SYT14: variants seen among roughly 807,000 people sequenced by gnomAD.
SYT14 encodes the protein synaptotagmin-14.
Under a neutral mutation model 74.2 loss-of-function variants are expected in SYT14, and 32 were observed. That is an observed-to-expected ratio of 0.43 (90% CI 0.33 to 0.58). SYT14 has a LOEUF of 0.58. Among genes scored for constraint, SYT14 ranks in the 20% least tolerant of loss-of-function variants. The pLI, the probability that SYT14 is intolerant of heterozygous loss-of-function variation, is 0.05. For missense variants in SYT14, 791 were observed against 981.8 expected, an observed-to-expected ratio of 0.81 and a Z score of 2.60; for synonymous variants, 298 against 337.7, an observed-to-expected ratio of 0.88 and a Z score of 1.29.
intron 2 of SYT14, among the ~76,000 whole-genome samples, chr1:209,965,574 C>T (rs976256973): frequency 6.6e-5 from 10 of 152,120 alleles, no homozygotes; most frequent in African/African-American, 1.4e-4. Flanking sequence ...GGCATATACC[C>T]GGTAATGAGA....
At chr1:210,011,043 A>G (rs2102912401) in intron 2 of SYT14, among the ~76,000 whole-genome samples, 1 of 152,326 alleles carries the variant, frequency 6.6e-6, no homozygotes, top group Non-Finnish European at 1.5e-5. Context: ...TCTTTCATTT[A>G]GTTTTCCAAG....
chr1:210,161,371 A>G (rs2083370144), exon 10 of SYT14: 1 of 470,250 alleles, frequency 2.1e-6, no homozygotes, highest in African/African-American at 2.0e-5. Flanking sequence ...AATCAAAATT[A>G]TAAGTGATTT....
intron 2 of SYT14, among the ~76,000 whole-genome samples, chr1:209,970,546 G>T (rs1479059270): frequency 6.6e-6 from 1 of 151,586 alleles, no homozygotes; most frequent in African/African-American, 2.4e-5. Flanking sequence ...CACTATTTGG[G>T]CTCTTTTTTG....
chr1:210,098,881 G>C (rs545622853), intron 6 of SYT14, among the ~76,000 whole-genome samples: 1 of 152,062 alleles, frequency 6.6e-6, no homozygotes, highest in African/African-American at 2.4e-5. Flanking sequence ...GGCCATGTTA[G>C]TAGAGATTCA....
At chr1:210,100,483 CT>C (rs1300719971) in intron 7 of SYT14, 22 bp downstream of exon 6, 3 of 1,602,510 alleles carry the variant, frequency 1.9e-6, no homozygotes, top group Non-Finnish European at 2.6e-6. Flanking sequence ...ATCAAATGGC[CT>C]GAATACAGTT....
intron 6 of SYT14, among the ~76,000 whole-genome samples, chr1:210,098,042 G>A (rs527547679): frequency 9.2e-5 from 14 of 152,156 alleles, no homozygotes; most frequent in East Asian, 7.7e-4. Flanking sequence ...AGGTGTGGTC[G>A]TGTATGCCTG....
At chr1:210,168,073 TGG>T in exon 10 of SYT14, 2 of 153,836 alleles carry the variant, frequency 1.3e-5, no homozygotes, top group South Asian at 2.0e-4. Context: ...TCGGTGGTGG[TGG>T]TGGTGGTGGT....
chr1:210,016,517 G>T, exon 4 of SYT14: 1 of 1,231,974 alleles, frequency 8.1e-7, no homozygotes, highest in South Asian at 4.1e-5. Flanking sequence ...TGAAAGTACT[G>T]ACAGATGTAA....
intron 7 of SYT14, among the ~76,000 whole-genome samples, chr1:210,139,265 C>CTTT (rs960923188): frequency 8.3e-5 from 8 of 95,852 alleles, no homozygotes; most frequent in Admixed American, 1.3e-4. Context: ...TTTCTTTTTT[C>CTTT]TTTTTTTTTT....
intron 5 of SYT14, among the ~76,000 whole-genome samples, chr1:210,059,451 T>TATATATAGAGAGAGAGAGAGAGAG (rs377050610): frequency 2.9e-5 from 2 of 69,890 alleles, no homozygotes; most frequent in African/African-American, 7.9e-5. Flanking sequence ...TATATATATA[T>TATATATAGAGAGAGAGAGAGAGAG]AGAGAGAGAG....
intron 1 of SYT14, among the ~76,000 whole-genome samples, chr1:209,938,624 G>A (rs7556078): frequency 0.11 from 16,348 of 152,108 alleles, 2,722 homozygotes; most frequent in African/African-American, 0.36. Context: ...CAGACCCCAC[G>A]GGACGGGCTG....
chr1:210,113,953 G>A (rs189202689), intron 7 of SYT14, among the ~76,000 whole-genome samples: 1 of 151,484 alleles, frequency 6.6e-6, no homozygotes, highest in South Asian at 2.1e-4. Context: ...AGAAAGTAAT[G>A]TGGAGTTGGT....
intron 5 of SYT14, among the ~76,000 whole-genome samples, chr1:210,027,858 T>C (rs1288467916): frequency 1.3e-5 from 2 of 152,200 alleles, no homozygotes; most frequent in Non-Finnish European, 2.9e-5. Context: ...ATTTTATTTT[T>C]TACATCTACA....
chr1:210,118,455 C>T (rs1010976911), intron 7 of SYT14, among the ~76,000 whole-genome samples: 1 of 151,572 alleles, frequency 6.6e-6, no homozygotes, highest in African/African-American at 2.4e-5. Flanking sequence ...GAGTAAGTTC[C>T]CTTTTGTGTT....
chr1:210,005,518 G>C (rs2079973790), intron 2 of SYT14, among the ~76,000 whole-genome samples: 1 of 152,026 alleles, frequency 6.6e-6, no homozygotes, highest in South Asian at 2.1e-4. Context: ...AGGAAGCAGT[G>C]ACCTTAGATA....
At chr1:209,977,638 A>T (rs541272481) in intron 2 of SYT14, among the ~76,000 whole-genome samples, 198 of 152,002 alleles carry the variant, frequency 1.3e-3, no homozygotes, top group Non-Finnish European at 1.4e-3. Flanking sequence ...TGCCCTTAAC[A>T]TTTTTTCCTT....
At chr1:210,037,645 A>G (rs887512126) in intron 5 of SYT14, among the ~76,000 whole-genome samples, 1 of 150,780 alleles carries the variant, frequency 6.6e-6, no homozygotes, top group Non-Finnish European at 1.5e-5. Context: ...CTCCATTTTC[A>G]TTCATTTCAG....
chr1:210,078,668 C>G (rs1217916400), intron 5 of SYT14, among the ~76,000 whole-genome samples: 2 of 152,028 alleles, frequency 1.3e-5, no homozygotes, highest in East Asian at 3.9e-4. Context: ...AAACATGTTA[C>G]CCTAGTGTGG....
At chr1:210,135,297 T>G (rs1267155239) in intron 7 of SYT14, among the ~76,000 whole-genome samples, 4 of 152,198 alleles carry the variant, frequency 2.6e-5, no homozygotes, top group Non-Finnish European at 4.4e-5. Flanking sequence ...GTCTTTTTTT[T>G]CCTCTGTGGT....
Sources: gnomAD v4.1 joint callset for allele counts (sites outside exome capture counted in the v4.1 genomes callset) on GRCh38, gnomAD v4.1.1 for gene constraint, MANE v1.5 for transcripts, NCBI Gene and HGNC (gene_info 2026-07-23, HGNC 2026-07-21) for gene names.